Variants in IMPG1 observed in about 807,000 individuals in gnomAD.
IMPG1 encodes the protein interphotoreceptor matrix proteoglycan of 150 kDa.
In IMPG1, 85 loss-of-function variants were observed where a neutral mutation model predicts 92.0. The ratio of observed to expected loss-of-function variants is 0.92; its 90% CI spans 0.78 to 1.11. IMPG1 has a LOEUF of 1.11. Ranked by LOEUF, IMPG1 falls within the 50% of genes least tolerant of loss-of-function variation. The probability of loss-of-function intolerance (pLI) is 0.00; values close to 1 mark genes in which losing one functional copy is unlikely to be tolerated. For missense variants in IMPG1, 1,022 were observed against 956.0 expected (o/e 1.07, Z -0.91); for synonymous variants, 367 against 334.1 (o/e 1.10, Z -1.08).
intron 12 of IMPG1, among the ~76,000 whole-genome samples, chr6:75,968,344 G>T (rs1322513027): frequency 6.6e-6 from 1 of 152,034 alleles, no homozygotes. Flanking sequence ...ATACTTATCT[G>T]CAATTCAGCA....
chr6:76,034,444 A>T, intron 3 of IMPG1, 101 bp from the exon 4 acceptor site: 1 of 1,230,186 alleles, frequency 8.1e-7, no homozygotes, highest in Non-Finnish European at 1.2e-6. Context: ...CTACACTTCA[A>T]CCTGACTGTA....
At position 76,059,890 on chromosome 6, in the gene IMPG1, C is replaced by G. The variant is rs527665139; in HGVS notation, c.67+12532G>C. On this transcript the variant is annotated intron_variant, in intron 1 of 16. Coordinates refer to ENST00000369950, the MANE Select transcript of IMPG1 (RefSeq NM_001563.4). The stretch of plus-strand genomic sequence containing the variant: ...GGGTACAATGGGTTAATAATAGTGT[C>G]ATAGTATTTCATAGTTCAACTTAAT... 5.3e-5 allele frequency among the ~76,000 whole-genome samples: 8 copies of G among 152,288 alleles called. No homozygotes were observed. In the East Asian group the frequency reaches 1.5e-3, roughly 29 times the overall value.
At chr6:76,040,226 C>T (rs975060601) in intron 2 of IMPG1, among the ~76,000 whole-genome samples, 1 of 152,012 alleles carries the variant, frequency 6.6e-6, no homozygotes, top group Non-Finnish European at 1.5e-5. Flanking sequence ...AAGAGGCAAC[C>T]TAATCAAGAA....
chr6:76,068,859 C>A (rs1187507461), intron 1 of IMPG1, among the ~76,000 whole-genome samples: 1 of 151,904 alleles, frequency 6.6e-6, no homozygotes, highest in Non-Finnish European at 1.5e-5. Flanking sequence ...CAATGCAATC[C>A]TATCAAAATA....
chr6:75,946,190 C>T (rs1358716990), intron 14 of IMPG1, among the ~76,000 whole-genome samples: 1 of 152,188 alleles, frequency 6.6e-6, no homozygotes, highest in Non-Finnish European at 1.5e-5. Context: ...TCAGCTGCTC[C>T]TGTTTAGAAG....
At chr6:76,050,843 T>G (rs535215232) in intron 1 of IMPG1, among the ~76,000 whole-genome samples, 77 of 152,302 alleles carry the variant, frequency 5.1e-4, no homozygotes, top group African/African-American at 1.8e-3. Context: ...ACTGTACACA[T>G]ACAGTGGCAA....
At chr6:76,027,302 G>A (rs1372239696) in intron 4 of IMPG1, among the ~76,000 whole-genome samples, 1 of 152,112 alleles carries the variant, frequency 6.6e-6, no homozygotes, top group Admixed American at 6.5e-5. Flanking sequence ...CTTCACAATA[G>A]GTAAGGCCTG....
chr6:76,039,357 T>A (rs1425579640), intron 2 of IMPG1, among the ~76,000 whole-genome samples: 1 of 26,362 alleles, frequency 3.8e-5, no homozygotes, highest in Non-Finnish European at 1.1e-4. Flanking sequence ...GATCTAGCTG[T>A]TTTTTTTTTT....
intron 14 of IMPG1, among the ~76,000 whole-genome samples, chr6:75,931,782 G>C (rs1424504973): frequency 6.6e-6 from 1 of 152,052 alleles, no homozygotes; most frequent in African/African-American, 2.4e-5. Flanking sequence ...GTCATTAATT[G>C]TTCTATTTTA....
intron 1 of IMPG1, among the ~76,000 whole-genome samples, chr6:76,055,695 T>C (rs1784109070): frequency 6.6e-6 from 1 of 151,962 alleles, no homozygotes; most frequent in Non-Finnish European, 1.5e-5. Context: ...AATTAACTAA[T>C]ATCAGAATTG....
intron 15 of IMPG1, 135 bp downstream of exon 15, chr6:75,930,818 C>G (rs1238747127): frequency 2.6e-6 from 2 of 774,584 alleles, no homozygotes; most frequent in Admixed American, 2.6e-5. Flanking sequence ...AGGCCCTTTT[C>G]TGGGTGATTT....
At chr6:75,963,301 A>G (rs1447788080) in intron 12 of IMPG1, among the ~76,000 whole-genome samples, 1 of 152,180 alleles carries the variant, frequency 6.6e-6, no homozygotes, top group Admixed American at 6.5e-5. Flanking sequence ...AAATATGGGG[A>G]AAAATAAATG....
At chr6:76,040,082 T>C (rs1783808421) in intron 2 of IMPG1, among the ~76,000 whole-genome samples, 1 of 152,158 alleles carries the variant, frequency 6.6e-6, no homozygotes, top group African/African-American at 2.4e-5. Context: ...GTGAACCAAT[T>C]TGTTCGACTT....
At chr6:76,010,120 A>G (rs1481176011) in intron 8 of IMPG1, among the ~76,000 whole-genome samples, 1 of 152,244 alleles carries the variant, frequency 6.6e-6, no homozygotes, top group African/African-American at 2.4e-5. Context: ...TATACAAATC[A>G]GAGGGGCCTG....
chr6:75,992,153 C>A (rs1467854637), intron 12 of IMPG1, among the ~76,000 whole-genome samples: 1 of 152,216 alleles, frequency 6.6e-6, no homozygotes. Context: ...AGCAGATGGC[C>A]TTCGGACCAT....
intron 12 of IMPG1, among the ~76,000 whole-genome samples, chr6:75,999,770 C>T (rs755918134): frequency 1.3e-5 from 2 of 152,152 alleles, no homozygotes; most frequent in Non-Finnish European, 2.9e-5. Context: ...TCTTCTTGCT[C>T]AATACAAATC....
rs77134543 is a variant in IMPG1 at position 76,050,956 on chromosome 6, G to A, written c.68-8830C>T. On this transcript the variant is annotated intron_variant, in intron 1 of 16. Transcript: ENST00000369950. ...TTAGCAAACCCATTATGTCTTCCTA[G>A]GGGAAAAGGTCTCAATGTCTTAATG... Among the ~76,000 whole-genome samples, 396 of 152,214 alleles carry A rather than the reference G, an allele frequency of 2.6e-3. 3 individuals carry two copies. Among genetic ancestry groups the A allele is most frequent in the African/African-American group, 9.2e-3 (382 of 41,538 alleles).
intron 1 of IMPG1, among the ~76,000 whole-genome samples, chr6:76,065,574 G>A (rs1784295916): frequency 6.6e-6 from 1 of 152,010 alleles, no homozygotes; most frequent in African/African-American, 2.4e-5. Flanking sequence ...TTCATGAAGT[G>A]GGGGATTATG....
At chr6:76,052,135 C>T (rs1284291026) in intron 1 of IMPG1, among the ~76,000 whole-genome samples, 8 of 152,134 alleles carry the variant, frequency 5.3e-5, no homozygotes, top group Non-Finnish European at 1.0e-4. Context: ...GAAGTTGCCT[C>T]TTTCGTGCCC....
Sources: gnomAD v4.1 joint callset for allele counts (sites outside exome capture counted in the v4.1 genomes callset) on GRCh38, gnomAD v4.1.1 for gene constraint, MANE v1.5 for transcripts, NCBI Gene and HGNC (gene_info 2026-07-23, HGNC 2026-07-21) for gene names.